Variants in ASB12 observed in about 807,000 individuals in gnomAD.
ASB12 encodes the protein ankyrin repeat and SOCS box protein 12.
Under a neutral mutation model 13.7 loss-of-function variants are expected in ASB12, and 17 were observed. The observed-to-expected ratio is 1.24, with a 90% CI of 0.85 to 1.86. ASB12 has a LOEUF of 1.86. ASB12 is among the 40% of genes most tolerant of loss of function. The pLI is 0.00. For missense variants in ASB12, 329 were observed against 250.5 expected, an observed-to-expected ratio of 1.31 and a Z score of -2.11; for synonymous variants, 107 against 99.8, an observed-to-expected ratio of 1.07 and a Z score of -0.43.
rs2147103505 is a variant in ASB12, at chrX:64,225,116, C to T, written c.535G>A (p.Ala179Thr). ...AAATAGAGGGGGCCAGAACATGAAG[C>T]TATGTTTGATGCCCAGACTGGTAGT... ...AKLPVWASNI[A>T]SCSGPLYLAA... is the part of the protein sequence containing the mutation. The change falls in exon 2 of 3, where the codon GCT (alanine) becomes ACT (threonine). Residue 179 changes from alanine to threonine, a missense_variant. Ala to Thr is a moderately conservative substitution (Grantham distance 58). Transcript: ENST00000362002. 8.3e-7 allele frequency: 1 copy of T among 1,211,484 alleles called. No individual in the cohort carries two copies. Among genetic ancestry groups the T allele is most frequent in the Non-Finnish European group, 1.1e-6 (1 of 895,440 alleles).
chrX:64,224,934 A>G lies in ASB12; in HGVS notation c.717T>C (p.Tyr239=). 3.3e-6 allele frequency: 4 copies of G among 1,211,607 alleles called. No individual in the cohort carries two copies. In the South Asian group the frequency reaches 5.3e-5, roughly 16 times the overall value. The change falls in exon 2 of 3, where the codon TAT becomes TAC. Residue 239 remains tyrosine, a synonymous_variant. Transcript: ENST00000362002. ...ICLHHNCEPE[Y]IQLLIDFGAN... ...CACCAAAATCGATTAACAGCTGGAT[A>G]TACTCTGGCTCACAATTATGATGGA... is the stretch of plus-strand genomic sequence containing the variant.
intron 2 of ASB12, 127 bp downstream of exon 2, chrX:64,224,701 G>A: frequency 1.7e-5 from 16 of 940,764 alleles, no homozygotes; most frequent in Non-Finnish European, 2.1e-5. Context: ...TTCTCTACTG[G>A]GGCCCCAGGA....
In ASB12 at chrX:64,225,378, G is replaced by A. The variant is rs890614618; in HGVS notation, c.273C>T (p.Val91=). The A allele has an allele frequency of 1.7e-6, 2 of 1,206,833 alleles. No individual in the cohort carries two copies. Among genetic ancestry groups the A allele is most frequent in the African/African-American group, 3.5e-5 (2 of 57,112 alleles). ...ASYGHLSCLQ[V]LLAHGADVDS... is the part of the protein sequence containing the mutation. ...CAACATCAGCACCATGGGCTAAGAG[G>A]ACTTGCAAACAGCTCAAGTGGCCAT... Residue 91 remains valine (V), a synonymous_variant, in exon 2 of 3, where the codon GTC becomes GTT. Transcript: ENST00000362002.
chrX:64,224,945 C>T lies in ASB12; in HGVS notation c.706G>A (p.Glu236Lys), dbSNP rs919792717. ...LLEICLHHNC[E>K]PEYIQLLIDF... ...ATTAACAGCTGGATATACTCTGGCT[C>T]ACAATTATGATGGAGGCAGATTTCA... Residue 236 changes from glutamate (E) to lysine (K), a missense_variant, in exon 2 of 3, where the codon GAG (glutamate) becomes AAG (lysine). Transcript: ENST00000362002. The T allele has an allele frequency of 5.8e-6, 7 of 1,209,787 alleles. No homozygotes were observed. Among genetic ancestry groups the T allele is most frequent in the Middle Eastern group, 4.6e-4 (2 of 4,370 alleles).
chrX:64,230,144 AC>A (rs1453257895), intron 1 of ASB12, among the ~76,000 whole-genome samples: 1 of 111,300 alleles, frequency 9.0e-6, no homozygotes, highest in Non-Finnish European at 1.9e-5. Context: ...AGACTAGCCA[AC>A]ACCACACAGG....
intron 1 of ASB12, among the ~76,000 whole-genome samples, chrX:64,229,349 C>T (rs1181148261): frequency 5.4e-5 from 6 of 111,852 alleles, no homozygotes; most frequent in African/African-American, 1.6e-4. Context: ...CCAAGCCATG[C>T]TCTCCAGCTG....
intron 1 of ASB12, among the ~76,000 whole-genome samples, chrX:64,229,564 A>AAGTAGCG (rs1569199173): frequency 1.8e-5 from 2 of 111,716 alleles, no homozygotes; most frequent in African/African-American, 6.6e-5. Context: ...ACAAACTAGC[A>AAGTAGCG]AAGTCTGTAA....
At position 64,229,381 on chromosome X, in the gene ASB12, G is replaced by A. The variant is rs765251666; in HGVS notation, c.-25+1082C>T. Among the ~76,000 whole-genome samples the A allele has an allele frequency of 4.5e-5, 5 of 111,785 alleles. No homozygotes were observed. The South Asian group carries it at 1.1e-3, about 25-fold the overall frequency. On this transcript the variant is annotated intron_variant, in intron 1 of 2. Coordinates refer to ENST00000362002, the MANE Select transcript of ASB12 (RefSeq NM_130388.4). ...GCTGGCTGTGGCACTGGAGTGAATCGTGCCTCCATTAGATAAGGACAAGGA... is the reference window on the plus strand; with the variant it reads ...GCTGGCTGTGGCACTGGAGTGAATCATGCCTCCATTAGATAAGGACAAGGA...
At chrX:64,228,424 GC>G (rs1930989341) in intron 1 of ASB12, among the ~76,000 whole-genome samples, 2 of 112,027 alleles carry the variant, frequency 1.8e-5, no homozygotes, top group Non-Finnish European at 3.8e-5. Flanking sequence ...TGTGGTAGTG[GC>G]AAAACATGGG....
At chrX:64,227,634 C>G (rs1930973347) in intron 1 of ASB12, among the ~76,000 whole-genome samples, 1 of 111,617 alleles carries the variant, frequency 9.0e-6, no homozygotes, top group African/African-American at 3.3e-5. Context: ...GTCGCTCTCA[C>G]CTTTATTCTG....
At chrX:64,226,781 C>T in intron 1 of ASB12, 1 of 751,959 alleles carries the variant, frequency 1.3e-6, no homozygotes, top group Non-Finnish European at 1.6e-6. Flanking sequence ...GCAGGTTTCT[C>T]AGAGCTTAAG....
At position 64,224,499 on chromosome X, in the gene ASB12, C is replaced by G. The variant is rs747066776; in HGVS notation, c.824-31G>C. 10 of 1,185,948 alleles carry G rather than the reference C, an allele frequency of 8.4e-6. No individual in the cohort carries two copies. In the South Asian group the frequency reaches 1.5e-4, roughly 17 times the overall value. On this transcript the variant is annotated intron_variant, in intron 2 of 2. Transcript: ENST00000362002. Reference sequence around the variant, plus strand: ...GCAAGAAGAAACAGGTCATGAGGAGCAATTATCAGCAAAATTCTCCCACAC... The same window carrying G: ...GCAAGAAGAAACAGGTCATGAGGAGGAATTATCAGCAAAATTCTCCCACAC...
intron 1 of ASB12, among the ~76,000 whole-genome samples, chrX:64,225,948 A>C (rs1930942590): frequency 8.9e-6 from 1 of 112,505 alleles, no homozygotes; most frequent in Non-Finnish European, 1.9e-5. Context: ...CTTCCTGCTC[A>C]GGGATTCTGA....
At position 64,224,991 on chromosome X, in the gene ASB12, G is replaced by T. The variant is rs751431352; in HGVS notation, c.660C>A (p.Val220=). 2.2e-5 allele frequency: 27 copies of T among 1,209,485 alleles called. No homozygotes were observed. The Admixed American group carries it at 2.4e-4, about 11-fold the overall frequency. Residue 220 remains valine (V), a synonymous_variant, in exon 2 of 3, where the codon GTC becomes GTA. Coordinates refer to ENST00000362002, the MANE Select transcript of ASB12 (RefSeq NM_130388.4). ...TTTCAAGGAGGGTGCGGGGTCTTGG[G>T]ACACGAGCCAATAGGCCCTGGTCAG... The part of the protein sequence containing the change: ...NCTDQGLLAR[V]PRPRTLLEIC...
chrX:64,229,621 G>A (rs1569199190), intron 1 of ASB12, among the ~76,000 whole-genome samples: 2 of 111,772 alleles, frequency 1.8e-5, no homozygotes, highest in African/African-American at 3.3e-5. Context: ...TAAAATTAAA[G>A]GAAACCAATT....
In ASB12 at chrX:64,224,368, G is replaced by T. The variant is rs778035840; in HGVS notation, c.924C>A (p.Pro308=). ...PQAINQLDIP[P]MLISYLKHQL ...GGTGTTTTAGGTAGCTAATCAACATGGGAGGAATATCCAGCTGGTTGATGG... is the reference window on the plus strand; with the variant it reads ...GGTGTTTTAGGTAGCTAATCAACATTGGAGGAATATCCAGCTGGTTGATGG... The change falls in exon 3 of 3, where the codon CCC becomes CCA. Residue 308 remains proline (P), a synonymous_variant. Transcript: ENST00000362002. 13 of 1,209,088 alleles carry T rather than the reference G, an allele frequency of 1.1e-5. No homozygotes were observed. In the South Asian group the frequency reaches 2.1e-4, roughly 20 times the overall value.
intron 1 of ASB12, among the ~76,000 whole-genome samples, chrX:64,228,202 C>T (rs1261030288): frequency 8.9e-6 from 1 of 112,150 alleles, no homozygotes; most frequent in Non-Finnish European, 1.9e-5. Flanking sequence ...GCCTCACTTC[C>T]TACTACTCCT....
chrX:64,229,681 A>T (rs1931018206), intron 1 of ASB12, among the ~76,000 whole-genome samples: 1 of 112,313 alleles, frequency 8.9e-6, no homozygotes, highest in Non-Finnish European at 1.9e-5. Context: ...ATATAGTAAG[A>T]GATGTTCTTT....
rs1602081182 is a variant in ASB12 at position 64,224,325 on chromosome X, G to T, written c.*10C>A. ...CGGAGGCATCATAAGTTCCTGGGGA[G>T]ACTGCAAGATTACAGTTGGTGTTTT... On this transcript the variant is annotated 3_prime_UTR_variant, in exon 3 of 3. Coordinates refer to ENST00000362002, the MANE Select transcript of ASB12 (RefSeq NM_130388.4). 1 of 1,208,098 alleles carries T rather than the reference G, an allele frequency of 8.3e-7. No homozygotes were observed. The highest frequency in any genetic ancestry group is 2.2e-5 in the Admixed American group (1 of 45,700).
Sources: gnomAD v4.1 joint callset for allele counts (sites outside exome capture counted in the v4.1 genomes callset) on GRCh38, gnomAD v4.1.1 for gene constraint, MANE v1.5 for transcripts, NCBI Gene and HGNC (gene_info 2026-07-23, HGNC 2026-07-21) for gene names.